The following BEND6 variants were observed in gnomAD, a reference collection of about 807,000 sequenced individuals.
The protein encoded by BEND6 is BEN domain containing 6.
Under a neutral mutation model 31.8 loss-of-function variants are expected in BEND6, and 24 were observed. That is an observed-to-expected ratio of 0.75 (90% CI 0.55 to 1.06). The LOEUF (loss-of-function observed/expected upper bound fraction) is 1.06. BEND6 is among the 50% of genes least tolerant of loss of function. The pLI is 0.00. For missense variants in BEND6, 294 were observed against 327.4 expected, an observed-to-expected ratio of 0.90 and a Z score of 0.79; for synonymous variants, 109 against 114.6, an observed-to-expected ratio of 0.95 and a Z score of 0.31.
intron 1 of BEND6, among the ~76,000 whole-genome samples, chr6:56,958,533 C>T (rs1378212177): frequency 6.6e-6 from 1 of 151,990 alleles, no homozygotes; most frequent in African/African-American, 2.4e-5. Context: ...AGATGGAAGC[C>T]TCAGAAGGAC....
At chr6:57,005,186 A>G (rs1428801083) in intron 3 of BEND6, among the ~76,000 whole-genome samples, 1 of 152,136 alleles carries the variant, frequency 6.6e-6, no homozygotes, top group South Asian at 2.1e-4. Flanking sequence ...GGTGTCCAAT[A>G]TCTAGTAGCT....
At chr6:56,975,034 C>T (rs1825823811) in intron 1 of BEND6, among the ~76,000 whole-genome samples, 1 of 152,146 alleles carries the variant, frequency 6.6e-6, no homozygotes, top group African/African-American at 2.4e-5. Context: ...TGGAGAATCA[C>T]TTGAACCTGG....
At chr6:56,962,380 T>A (rs1003726325) in intron 1 of BEND6, among the ~76,000 whole-genome samples, 1 of 152,234 alleles carries the variant, frequency 6.6e-6, no homozygotes, top group African/African-American at 2.4e-5. Context: ...TGATCACATA[T>A]TGTTACAGTA....
At chr6:57,021,949 G>C (rs79412407) in intron 6 of BEND6, among the ~76,000 whole-genome samples, 54 of 152,140 alleles carry the variant, frequency 3.5e-4, no homozygotes, top group African/African-American at 1.3e-3. Flanking sequence ...TCTGGCATCC[G>C]GTGGTCAGAG....
chr6:57,015,501 A>C, intron 4 of BEND6, 148 bp downstream of exon 4: 1 of 901,906 alleles, frequency 1.1e-6, no homozygotes, highest in Non-Finnish European at 1.6e-6. Flanking sequence ...TAAGTACCAC[A>C]AAGAAGAGGC....
intron 3 of BEND6, among the ~76,000 whole-genome samples, chr6:56,995,866 T>C (rs527718762): frequency 6.6e-6 from 1 of 152,312 alleles, no homozygotes; most frequent in Non-Finnish European, 1.5e-5. Flanking sequence ...TCTGCATTGC[T>C]AACCACAATA....
intron 1 of BEND6, among the ~76,000 whole-genome samples, chr6:56,973,176 T>C (rs898854760): frequency 1.3e-5 from 2 of 152,276 alleles, no homozygotes; most frequent in African/African-American, 4.8e-5. Flanking sequence ...AGAAAAGAGC[T>C]CTCCACACAT....
At chr6:57,023,166 G>GTTTTAACT (rs1827804019) in intron 6 of BEND6, among the ~76,000 whole-genome samples, 1 of 152,174 alleles carries the variant, frequency 6.6e-6, no homozygotes, top group Non-Finnish European at 1.5e-5. Flanking sequence ...TTTAACTCCA[G>GTTTTAACT]TGTTTCCTTG....
At chr6:57,018,327 A>G (rs899480721) in intron 5 of BEND6, 94 bp from the exon 6 acceptor site, 23 of 1,342,388 alleles carry the variant, frequency 1.7e-5, no homozygotes, top group Middle Eastern at 4.1e-4. Context: ...AAAAAAAATT[A>G]TAATGTAGAA....
intron 1 of BEND6, among the ~76,000 whole-genome samples, chr6:56,972,030 A>G (rs183782827): frequency 1.9e-4 from 29 of 151,772 alleles, no homozygotes; most frequent in African/African-American, 6.8e-4. Flanking sequence ...AATCTTTGAA[A>G]AATCCAGTTG....
chr6:57,006,820 C>T (rs1827176215), intron 3 of BEND6, among the ~76,000 whole-genome samples: 1 of 152,178 alleles, frequency 6.6e-6, no homozygotes, highest in African/African-American at 2.4e-5. Flanking sequence ...GGATGTATCA[C>T]TCAAATATAC....
intron 3 of BEND6, chr6:57,008,187 C>G (rs910512762): frequency 1.0e-5 from 7 of 702,892 alleles, no homozygotes; most frequent in Non-Finnish European, 1.8e-5. Context: ...ACAGCTTGGT[C>G]CAGAGAGCTG....
chr6:57,008,352 G>A, intron 3 of BEND6: 2 of 637,898 alleles, frequency 3.1e-6, no homozygotes, highest in Non-Finnish European at 5.6e-6. Context: ...TACTGATCAT[G>A]TTTCATTTCT....
intron 1 of BEND6, among the ~76,000 whole-genome samples, chr6:56,959,723 C>T (rs1825224098): frequency 1.3e-5 from 2 of 152,082 alleles, no homozygotes; most frequent in Non-Finnish European, 2.9e-5. Flanking sequence ...GCAGTAATAT[C>T]AAATATTATT....
At chr6:56,957,050 AG>A (rs745507676) in intron 1 of BEND6, among the ~76,000 whole-genome samples, 124 of 152,376 alleles carry the variant, frequency 8.1e-4, no homozygotes, top group Middle Eastern at 3.4e-3. Flanking sequence ...ATCCTTGAAC[AG>A]AAACATGTCA....
chr6:56,961,442 C>G (rs183521497), intron 1 of BEND6, among the ~76,000 whole-genome samples: 1 of 152,258 alleles, frequency 6.6e-6, no homozygotes, highest in Non-Finnish European at 1.5e-5. Flanking sequence ...GTAACTCCCA[C>G]TGGGATGTCA....
chr6:56,982,419 C>A (rs888990947), intron 2 of BEND6, among the ~76,000 whole-genome samples: 5 of 152,112 alleles, frequency 3.3e-5, no homozygotes, highest in South Asian at 2.1e-4. Flanking sequence ...TCTTTTTAGA[C>A]CCCAGTTTGT....
intron 6 of BEND6, among the ~76,000 whole-genome samples, chr6:57,024,991 TG>T (rs1471542343): frequency 6.6e-6 from 1 of 152,234 alleles, no homozygotes; most frequent in African/African-American, 2.4e-5. Flanking sequence ...TCCATTCTGC[TG>T]TTGAGAGCCT....
chr6:57,006,882 A>G (rs941662719), intron 3 of BEND6, among the ~76,000 whole-genome samples: 2 of 152,236 alleles, frequency 1.3e-5, no homozygotes, highest in Non-Finnish European at 2.9e-5. Context: ...AAACAGACAC[A>G]TTAGACCAAT....
Sources: allele counts gnomAD v4.1 joint callset (sites outside exome capture counted in the v4.1 genomes callset), GRCh38; gene constraint gnomAD v4.1.1; transcripts MANE v1.5; gene names NCBI Gene and HGNC (gene_info 2026-07-23, HGNC 2026-07-21).